The following TBC1D5 variants were observed in gnomAD, a reference collection of about 807,000 sequenced individuals.
TBC1D5 encodes TBC1 domain family member 5.
Under a neutral mutation model 100.3 loss-of-function variants are expected in TBC1D5, and 75 were observed. That is an observed-to-expected ratio of 0.75 (90% CI 0.62 to 0.91). The LOEUF (loss-of-function observed/expected upper bound fraction) is 0.91. Among genes scored for constraint, TBC1D5 ranks in the 40% least tolerant of loss-of-function variants. The pLI, the probability that TBC1D5 is intolerant of heterozygous loss-of-function variation, is 0.00. For synonymous variants in TBC1D5, 323 were observed against 325.6 expected (o/e 0.99, Z 0.09); for missense variants, 910 against 942.4 (o/e 0.97, Z 0.45).
At chr3:17,738,411 T>C (rs2077138103) in intron 1 of TBC1D5, among the ~76,000 whole-genome samples, 1 of 152,032 alleles carries the variant, frequency 6.6e-6, no homozygotes. Context: ...ACTCTCTCTC[T>C]CTCTCTAATT....
At chr3:17,420,615 G>A (rs557125257) in intron 4 of TBC1D5, among the ~76,000 whole-genome samples, 2 of 151,952 alleles carry the variant, frequency 1.3e-5, no homozygotes, top group East Asian at 1.9e-4. Flanking sequence ...GTCTATTTTT[G>A]AACCCTAATT....
intron 2 of TBC1D5, among the ~76,000 whole-genome samples, chr3:17,605,995 T>C (rs752025956): frequency 2.6e-5 from 4 of 152,180 alleles, no homozygotes; most frequent in African/African-American, 9.7e-5. Context: ...ATTTTGCAAG[T>C]TGGCCTGTCT....
chr3:17,516,352 C>A (rs2095987462), intron 2 of TBC1D5, among the ~76,000 whole-genome samples: 1 of 151,656 alleles, frequency 6.6e-6, no homozygotes, highest in African/African-American at 2.4e-5. Flanking sequence ...AATCTGTGGC[C>A]AAAAGATTTC....
At chr3:17,301,645 G>A (rs2082853675) in intron 14 of TBC1D5, among the ~76,000 whole-genome samples, 1 of 152,180 alleles carries the variant, frequency 6.6e-6, no homozygotes, top group Non-Finnish European at 1.5e-5. Context: ...GTAAAATAGA[G>A]TATGACTAAT....
At chr3:17,678,396 C>T (rs909762936) in intron 1 of TBC1D5, among the ~76,000 whole-genome samples, 4 of 152,042 alleles carry the variant, frequency 2.6e-5, no homozygotes, top group African/African-American at 7.2e-5. Flanking sequence ...CCTCCCAAAA[C>T]CCTACTAAAA....
chr3:17,682,103 G>T (rs1190021137), intron 1 of TBC1D5, among the ~76,000 whole-genome samples: 1 of 151,232 alleles, frequency 6.6e-6, no homozygotes, highest in African/African-American at 2.5e-5. Context: ...GTGCCAAAAA[G>T]GTTGGGAACT....
chr3:17,258,446 C>T, intron 16 of TBC1D5, 60 bp downstream of exon 16: 1 of 1,506,872 alleles, frequency 6.6e-7, no homozygotes, highest in Non-Finnish European at 9.1e-7. Context: ...GTAAAATTTC[C>T]TGATGATCTC....
intron 9 of TBC1D5, among the ~76,000 whole-genome samples, chr3:17,382,169 T>C (rs1160902796): frequency 1.3e-5 from 2 of 152,096 alleles, no homozygotes; most frequent in Non-Finnish European, 2.9e-5. Flanking sequence ...GAACCTTTGC[T>C]TGGCACCAAA....
At chr3:17,561,339 G>C (rs2096557759) in intron 2 of TBC1D5, among the ~76,000 whole-genome samples, 1 of 152,006 alleles carries the variant, frequency 6.6e-6, no homozygotes, top group Non-Finnish European at 1.5e-5. Context: ...TTCAATCAAA[G>C]CTCTAGTAAG....
chr3:17,533,514 G>C (rs967325940), intron 2 of TBC1D5, among the ~76,000 whole-genome samples: 1 of 152,118 alleles, frequency 6.6e-6, no homozygotes, highest in Non-Finnish European at 1.5e-5. Flanking sequence ...GCTTTATGAA[G>C]TAAAAAGACA....
chr3:17,469,639 C>T (rs559521986), intron 3 of TBC1D5, among the ~76,000 whole-genome samples: 1 of 152,324 alleles, frequency 6.6e-6, no homozygotes, highest in African/African-American at 2.4e-5. Flanking sequence ...CAATTCTAAA[C>T]CTATCAATCA....
intron 1 of TBC1D5, chr3:17,646,957 A>G (rs2065073123): frequency 6.6e-6 from 1 of 151,876 alleles, no homozygotes; most frequent in South Asian, 2.1e-4. Context: ...CCATGCATAC[A>G]TACCCACTGC....
intron 9 of TBC1D5, among the ~76,000 whole-genome samples, chr3:17,378,349 T>C (rs2092792837): frequency 6.6e-6 from 1 of 151,802 alleles, no homozygotes. Flanking sequence ...ATTCCCTCAG[T>C]GAAGAATATA....
intron 3 of TBC1D5, among the ~76,000 whole-genome samples, chr3:17,454,106 C>G (rs1470861604): frequency 6.6e-6 from 1 of 152,036 alleles, no homozygotes; most frequent in African/African-American, 2.4e-5. Context: ...AAACTGGAGA[C>G]AGAAGAACAT....
intron 4 of TBC1D5, among the ~76,000 whole-genome samples, chr3:17,416,838 A>T (rs200345597): frequency 1.3e-5 from 2 of 152,134 alleles, no homozygotes; most frequent in South Asian, 2.1e-4. Flanking sequence ...TCTATTGGTT[A>T]CCCCAAAATG....
At chr3:17,432,991 G>A (rs746179597) in intron 3 of TBC1D5, among the ~76,000 whole-genome samples, 1 of 151,860 alleles carries the variant, frequency 6.6e-6, no homozygotes, top group Non-Finnish European at 1.5e-5. Flanking sequence ...AAGAAAAAAG[G>A]CAACTTAAAA....
intron 1 of TBC1D5, among the ~76,000 whole-genome samples, chr3:17,718,421 C>A (rs1321503181): frequency 2.0e-5 from 3 of 152,050 alleles, no homozygotes; most frequent in African/African-American, 7.2e-5. Flanking sequence ...CATGGTGAAA[C>A]CCCGTCTCTA....
chr3:17,186,801 T>C (rs1264583598), intron 18 of TBC1D5, among the ~76,000 whole-genome samples: 1 of 146,212 alleles, frequency 6.8e-6, no homozygotes, highest in Non-Finnish European at 1.5e-5. Flanking sequence ...AAAAACAAAT[T>C]ACTGTGAAAT....
intron 14 of TBC1D5, among the ~76,000 whole-genome samples, chr3:17,294,809 C>T (rs548445454): frequency 3.2e-4 from 48 of 152,222 alleles, no homozygotes; most frequent in Middle Eastern, 3.4e-3. Flanking sequence ...TTTAGAAATA[C>T]CCTTAATTTG....
Sources: gnomAD v4.1 joint callset for allele counts (sites outside exome capture counted in the v4.1 genomes callset) on GRCh38, gnomAD v4.1.1 for gene constraint, MANE v1.5 for transcripts, NCBI Gene and HGNC (gene_info 2026-07-23, HGNC 2026-07-21) for gene names.